The following ESD variants were observed in gnomAD, a reference collection of about 807,000 sequenced individuals.
ESD encodes the protein esterase D, also known as S-formylglutathione hydrolase.
ESD carries 34 observed loss-of-function variants against 38.1 expected under a neutral mutation model. The observed-to-expected ratio is 0.89, with a 90% CI of 0.68 to 1.19. The LOEUF is 1.19. ESD is among the 50% of genes most tolerant of loss of function. ESD has a pLI of 0.00. For missense variants in ESD, 334 were observed against 327.2 expected, an observed-to-expected ratio of 1.02 and a Z score of -0.16; for synonymous variants, 97 against 107.0, an observed-to-expected ratio of 0.91 and a Z score of 0.58.
At chr13:46,781,711 AATC>A (rs1394919026) in intron 6 of ESD, 96 bp from the exon 7 acceptor site, 1 of 1,125,158 alleles carries the variant, frequency 8.9e-7, no homozygotes, top group East Asian at 2.5e-5. Context: ...AATACTGCCA[AATC>A]ATAGTCTTAC....
At position 46,786,549 on chromosome 13, in the gene ESD, T is replaced by G. The variant is rs566952575; in HGVS notation, c.157+472A>C. Reference sequence around the variant, plus strand: ...ATTAAGAGAAGCCTTAGCGTTCTTTTGTGACTTTCCAGATTGTTGTCAGAG... The same window carrying G: ...ATTAAGAGAAGCCTTAGCGTTCTTTGGTGACTTTCCAGATTGTTGTCAGAG... On this transcript the variant is annotated intron_variant, in intron 4 of 9. Coordinates refer to ENST00000378720, the MANE Select transcript of ESD (RefSeq NM_001984.2). 2.6e-5 allele frequency among the ~76,000 whole-genome samples: 4 copies of G among 152,130 alleles called. No homozygotes were observed. The East Asian group carries it at 7.7e-4, about 29-fold the overall frequency.
intron 5 of ESD, among the ~76,000 whole-genome samples, 156 bp from the exon 6 acceptor site, chr13:46,782,947 T>G (rs1320931812): frequency 2.0e-5 from 3 of 151,940 alleles, no homozygotes; most frequent in Non-Finnish European, 4.4e-5. Context: ...AGGATTATAC[T>G]TCCTGCTCCT....
intron 7 of ESD, 89 bp from the exon 8 acceptor site, chr13:46,780,122 G>T (rs765472856): frequency 1.2e-6 from 1 of 845,260 alleles, no homozygotes; most frequent in Non-Finnish European, 1.7e-6. Flanking sequence ...AAATATAGAA[G>T]TTACTTGCAA....
chr13:46,785,997 C>T (rs1263178757), intron 4 of ESD, among the ~76,000 whole-genome samples: 2 of 151,960 alleles, frequency 1.3e-5, no homozygotes, highest in East Asian at 1.9e-4. Context: ...GCGTGTGACC[C>T]TGGACAATAT....
chr13:46,781,413 T>A, intron 7 of ESD, 83 bp downstream of exon 7: 1 of 1,293,238 alleles, frequency 7.7e-7, no homozygotes, highest in East Asian at 2.5e-5. Context: ...ATACTAACAA[T>A]ATTGTAATTT....
intron 9 of ESD, chr13:46,775,877 T>C (rs1158784738): frequency 1.8e-5 from 5 of 276,674 alleles, no homozygotes; most frequent in African/African-American, 1.1e-4. Context: ...GGACTTATTT[T>C]TCCCTCCAGG....
intron 3 of ESD, among the ~76,000 whole-genome samples, chr13:46,790,957 TAGTC>T (rs1299394143): frequency 6.6e-6 from 1 of 152,206 alleles, no homozygotes; most frequent in Non-Finnish European, 1.5e-5. Flanking sequence ...AATGCCATGT[TAGTC>T]AGAGTTTTGG....
intron 2 of ESD, among the ~76,000 whole-genome samples, chr13:46,791,755 T>A (rs569349651): frequency 8.9e-4 from 135 of 152,184 alleles, no homozygotes; most frequent in African/African-American, 2.9e-3. Flanking sequence ...GTTTAGAAGA[T>A]TAAAAATTGT....
At chr13:46,795,850 G>T (rs1405288283) in intron 1 of ESD, among the ~76,000 whole-genome samples, 4 of 151,622 alleles carry the variant, frequency 2.6e-5, no homozygotes, top group African/African-American at 9.7e-5. Context: ...CGGCCCCCGG[G>T]CTCAGGTGAT....
chr13:46,793,956 C>T (rs889139933), intron 1 of ESD, among the ~76,000 whole-genome samples: 3 of 152,016 alleles, frequency 2.0e-5, no homozygotes, highest in Non-Finnish European at 4.4e-5. Flanking sequence ...GGCTTATGAA[C>T]GATGAAGTGA....
intron 6 of ESD, 66 bp from the exon 7 acceptor site, chr13:46,781,681 C>G: frequency 6.9e-7 from 1 of 1,441,164 alleles, no homozygotes. Flanking sequence ...TTCAAAGTTA[C>G]AGAAAATAAT....
chr13:46,788,895 A>G (rs1875292187), intron 3 of ESD, among the ~76,000 whole-genome samples: 1 of 152,064 alleles, frequency 6.6e-6, no homozygotes, highest in Non-Finnish European at 1.5e-5. Context: ...TATCAATTTC[A>G]TCTACATTAA....
At chr13:46,787,279 C>CTTGGTATAT (rs1194635377) in intron 3 of ESD, among the ~76,000 whole-genome samples, 170 bp from the exon 4 acceptor site, 4 of 151,858 alleles carry the variant, frequency 2.6e-5, no homozygotes, top group Non-Finnish European at 5.9e-5. Flanking sequence ...ATACTTGTCC[C>CTTGGTATAT]TTAAAGAAAG....
rs990182796 is a variant in ESD, at chr13:46,784,159, A to C, written c.256+93T>G. The C allele has an allele frequency of 9.3e-5, 90 of 968,456 alleles. 1 individual carries two copies. Among genetic ancestry groups the C allele is most frequent in the Middle Eastern group, 2.2e-4 (1 of 4,580 alleles). 60.0% of individuals were successfully genotyped at this position (968,456 alleles called of 1,614,324 possible). A position where few individuals can be genotyped will look rare whatever the true frequency, so the allele number is the denominator to read the frequency against. ...TTAATAGAGATAACAGCAAAAATAT[A>C]AAATGAATTGTATAATGTATATATC... On this transcript the variant is annotated intron_variant, in intron 5 of 9. Coordinates refer to ENST00000378720, the MANE Select transcript of ESD (RefSeq NM_001984.2).
chr13:46,780,672 T>C (rs1192058711), intron 7 of ESD, among the ~76,000 whole-genome samples: 1 of 151,700 alleles, frequency 6.6e-6, no homozygotes, highest in East Asian at 1.9e-4. Context: ...GAAATAAAAG[T>C]GCTTACTTAG....
Position 46,790,008 on chromosome 13 carries a change from A to ATAT in ESD, c.68+1337_68+1338insATA, listed in dbSNP as rs1555293852. On this transcript the variant is annotated intron_variant, in intron 3 of 9. Coordinates refer to ENST00000378720, the MANE Select transcript of ESD (RefSeq NM_001984.2). The stretch of plus-strand genomic sequence containing the variant: ...TTTTTGTACATATATATATATATAT[A>ATAT]TTTTTTTTTTTTCAGTAGAGACAGG... Among the ~76,000 whole-genome samples the ATAT allele has an allele frequency of 7.5e-4, 102 of 136,054 alleles. 1 individual carries two copies. Among genetic ancestry groups the ATAT allele is most frequent in the African/African-American group, 2.4e-3 (86 of 36,016 alleles). 89.3% of individuals were successfully genotyped at this position (136,054 alleles called of 152,430 possible). A position where few individuals can be genotyped will look rare whatever the true frequency, so the allele number is the denominator to read the frequency against.
At position 46,791,355 on chromosome 13, in the gene ESD, TC is replaced by T; in HGVS notation, c.58del (p.Glu20AsnfsTer7). On this transcript the variant is annotated frameshift_variant, in exon 3 of 10. Coordinates refer to ENST00000378720, the MANE Select transcript of ESD (RefSeq NM_001984.2). LOFTEE classifies it high-confidence loss of function. The stretch of plus-strand genomic sequence containing the variant: ...TCTTCTTAATAGTTACCTGTCATGT[TC>T]AAAAACTTTCTGCAATCCCCCAAAG... ...KCFGGLQKVF[E>X]HDSVELNCKM... The T allele has an allele frequency of 6.2e-7, 1 of 1,611,954 alleles. No homozygotes were observed. The highest frequency in any genetic ancestry group is 8.5e-7 in the Non-Finnish European group (1 of 1,178,652).
chr13:46,779,823 G>C, intron 8 of ESD, 112 bp downstream of exon 8: 3 of 438,534 alleles, frequency 6.8e-6, no homozygotes, highest in South Asian at 3.2e-5. Flanking sequence ...TTGCTAATTT[G>C]TCTCAGCTCT....
rs1355303217 is a variant in ESD at position 46,775,685 on chromosome 13, C to T, written c.768+1771G>A. The T allele has an allele frequency of 1.5e-5, 7 of 469,868 alleles. 1 individual carries two copies. Among genetic ancestry groups the T allele is most frequent in the East Asian group, 1.4e-4 (2 of 14,340 alleles). 29.1% of individuals were successfully genotyped at this position (469,868 alleles called of 1,614,324 possible). A position where few individuals can be genotyped will look rare whatever the true frequency, so the allele number is the denominator to read the frequency against. On this transcript the variant is annotated intron_variant, in intron 9 of 9. Transcript: ENST00000378720. ...CAAGCTATGTAGTCCACTCTTAACCCGACCATGCTGGAAGTAAAGTGAATA... is the reference window on the plus strand; with the variant it reads ...CAAGCTATGTAGTCCACTCTTAACCTGACCATGCTGGAAGTAAAGTGAATA...
Sources: gnomAD v4.1 joint callset for allele counts (sites outside exome capture counted in the v4.1 genomes callset) on GRCh38, gnomAD v4.1.1 for gene constraint, MANE v1.5 for transcripts, NCBI Gene and HGNC (gene_info 2026-07-23, HGNC 2026-07-21) for gene names.